TRIM22: variants seen among roughly 807,000 people sequenced by gnomAD.
TRIM22 encodes E3 ubiquitin-protein ligase TRIM22.
A neutral mutation model predicts 53.6 loss-of-function variants in TRIM22; 45 were observed. The ratio of observed to expected loss-of-function variants is 0.84; its 90% CI spans 0.66 to 1.08. TRIM22 has a LOEUF of 1.08. Ranked by LOEUF, TRIM22 falls within the 50% of genes least tolerant of loss-of-function variation. The pLI, the probability that TRIM22 is intolerant of heterozygous loss-of-function variation, is 0.00. For missense variants in TRIM22, 616 were observed against 590.9 expected, an observed-to-expected ratio of 1.04 and a Z score of -0.44; for synonymous variants, 225 against 216.6, an observed-to-expected ratio of 1.04 and a Z score of -0.34.
At chr11:5,702,578 TGTA>T (rs1256141515) in intron 4 of TRIM22, among the ~76,000 whole-genome samples, 1 of 151,834 alleles carries the variant, frequency 6.6e-6, no homozygotes, top group Non-Finnish European at 1.5e-5. Flanking sequence ...CCCCTTCACA[TGTA>T]GTGCAGGTAC....
chr11:5,699,739 T>G (rs1290253858), intron 4 of TRIM22, among the ~76,000 whole-genome samples: 1 of 150,776 alleles, frequency 6.6e-6, no homozygotes, highest in Admixed American at 6.6e-5. Flanking sequence ...TTTTTTTTTT[T>G]TTAGTTACAG....
At position 5,709,744 on chromosome 11, in the gene TRIM22, T is replaced by A. The variant is rs1391494853; in HGVS notation, c.*96T>A. On this transcript the variant is annotated 3_prime_UTR_variant, in exon 8 of 8. Coordinates refer to ENST00000379965, the MANE Select transcript of TRIM22 (RefSeq NM_006074.5). ...CATCTCTACTGAGACCATCTCTTCC[T>A]TTCTTTCCCCTTCTTTTACTTAGAA... 2 of 1,069,754 alleles carry A rather than the reference T, an allele frequency of 1.9e-6. No homozygotes were observed. The highest frequency in any genetic ancestry group is 2.4e-5 in the East Asian group (1 of 42,064). 66.3% of individuals were successfully genotyped at this position (1,069,754 alleles called of 1,614,324 possible).
At chr11:5,708,713 G>GT in intron 7 of TRIM22, 110 bp downstream of exon 7, 10 of 686,656 alleles carry the variant, frequency 1.5e-5, no homozygotes, top group South Asian at 2.4e-5. Flanking sequence ...AAACCATGTA[G>GT]TTCTTTTTTT....
In TRIM22 at chr11:5,709,748, T is replaced by A; in HGVS notation, c.*100T>A. ...TCTACTGAGACCATCTCTTCCTTTC[T>A]TTCCCCTTCTTTTACTTAGAATGTC... On this transcript the variant is annotated 3_prime_UTR_variant, in exon 8 of 8. Coordinates refer to ENST00000379965, the MANE Select transcript of TRIM22 (RefSeq NM_006074.5). 9.8e-7 allele frequency: 1 copy of A among 1,022,984 alleles called. No homozygotes were observed. Among genetic ancestry groups the A allele is most frequent in the Non-Finnish European group, 1.4e-6 (1 of 699,464 alleles). The allele number at this position is 1,022,984 out of a possible 1,614,324, so 63.4% of individuals were successfully genotyped here.
intron 1 of TRIM22, among the ~76,000 whole-genome samples, chr11:5,694,471 C>G (rs1229747142): frequency 1.3e-5 from 2 of 152,184 alleles, no homozygotes; most frequent in East Asian, 3.9e-4. Context: ...CTGGATCTCT[C>G]CATTTCTATA....
At chr11:5,708,502 A>G (rs2134184503) in intron 6 of TRIM22, 75 bp from the exon 7 acceptor site, 2 of 1,411,178 alleles carry the variant, frequency 1.4e-6, no homozygotes, top group African/African-American at 1.4e-5. Flanking sequence ...TCCTTTCCCT[A>G]CTCTGGAGAA....
At position 5,709,210 on chromosome 11, in the gene TRIM22, G is replaced by T. The variant is rs763947733; in HGVS notation, c.1059G>T (p.Gly353=). ...TCGGCTGCCAATATTTCTCTTCGGG[G>T]AAATATTACTGGGAAGTAGATGTGT... ...GVFGCQYFSS[G]KYYWEVDVSG... is the part of the protein sequence containing the mutation. Residue 353 remains glycine (G), a synonymous_variant, in exon 8 of 8, where the codon GGG becomes GGT. Transcript: ENST00000379965. The T allele has an allele frequency of 6.2e-7, 1 of 1,614,002 alleles. No individual in the cohort carries two copies. The highest frequency in any genetic ancestry group is 8.5e-7 in the Non-Finnish European group (1 of 1,180,038).
intron 3 of TRIM22, 52 bp from the exon 4 acceptor site, chr11:5,698,263 G>T (rs1277097205): frequency 6.8e-7 from 1 of 1,465,370 alleles, no homozygotes; most frequent in Non-Finnish European, 9.5e-7. Context: ...CTCATACAAA[G>T]CAGGCCTTCA....
chr11:5,708,530 T>TTACTTATTTGCTTCTAACAACATCACTG (rs1325733576), intron 6 of TRIM22, 47 bp from the exon 7 acceptor site: 1 of 1,573,382 alleles, frequency 6.4e-7, no homozygotes, highest in Non-Finnish European at 8.6e-7. Flanking sequence ...GTGTCAGTAC[T>TTACTTATTTGCTTCTAACAACATCACTG]TACTTATTTG....
rs184996043 is a variant in TRIM22 at position 5,696,760 on chromosome 11, C to T, written c.423+105C>T. 3.0e-4 allele frequency: 361 copies of T among 1,223,214 alleles called. No homozygotes were observed. The African/African-American group carries it at 4.4e-3, about 15-fold the overall frequency. 75.8% of individuals were successfully genotyped at this position (1,223,214 alleles called of 1,614,324 possible). A position where few individuals can be genotyped will look rare whatever the true frequency, so the allele number is the denominator to read the frequency against. On this transcript the variant is annotated intron_variant, in intron 2 of 7. Transcript: ENST00000379965. ...CTTTATTCCCCTTGTCACCATAGAA[C>T]GGAGAGCCCTGTGATCTCTTTCCAT...
At chr11:5,702,106 ATAAC>A (rs919280600) in intron 4 of TRIM22, among the ~76,000 whole-genome samples, 19 of 146,782 alleles carry the variant, frequency 1.3e-4, no homozygotes, top group African/African-American at 4.0e-4. Context: ...TATAATATAC[ATAAC>A]TAATATATAT....
chr11:5,693,099 C>A lies in TRIM22; in HGVS notation c.-66-3068C>A, dbSNP rs1283856228. Among the ~76,000 whole-genome samples the A allele has an allele frequency of 3.3e-5, 5 of 150,952 alleles. No individual in the cohort carries two copies. In the East Asian group the frequency reaches 9.9e-4, roughly 30 times the overall value. On this transcript the variant is annotated intron_variant, in intron 1 of 7. Transcript: ENST00000379965. ...ACGGGGTCTCACCATAGTGGCCAGG[C>A]TGGCCTCAAACTCCTGACCTCAGGT...
chr11:5,706,654 A>C, intron 5 of TRIM22, 38 bp downstream of exon 5: 11 of 1,582,746 alleles, frequency 6.9e-6, no homozygotes, highest in Non-Finnish European at 9.5e-6. Context: ...ATTTGTCTGA[A>C]AAGAGAATTA....
rs757021594 is a variant in TRIM22, at chr11:5,709,231, T to A, written c.1080T>A (p.Asp360Glu). The change falls in exon 8 of 8, where the codon GAT becomes GAA. Residue 360 changes from aspartate to glutamate, a missense_variant. Physicochemically the swap from Asp to Glu is conservative, Grantham distance 45. Coordinates refer to ENST00000379965, the MANE Select transcript of TRIM22 (RefSeq NM_006074.5). The stretch of plus-strand genomic sequence containing the variant: ...CGGGGAAATATTACTGGGAAGTAGA[T>A]GTGTCTGGAAAGATTGCCTGGATCC... ...FSSGKYYWEVDVSGKIAWILG... is the reference protein window; with the variant it reads ...FSSGKYYWEVEVSGKIAWILG... The A allele has an allele frequency of 2.5e-6, 4 of 1,614,094 alleles. No homozygotes were observed. In the Admixed American group the frequency reaches 6.7e-5, roughly 27 times the overall value.
chr11:5,704,619 T>G (rs1391910862), intron 4 of TRIM22, among the ~76,000 whole-genome samples: 1 of 152,108 alleles, frequency 6.6e-6, no homozygotes, highest in Non-Finnish European at 1.5e-5. Context: ...TTAAAAGTGA[T>G]TTTTTTAAAG....
intron 7 of TRIM22, among the ~76,000 whole-genome samples, 179 bp from the exon 8 acceptor site, chr11:5,708,874 G>A (rs1037885606): frequency 3.3e-5 from 5 of 152,040 alleles, no homozygotes; most frequent in African/African-American, 4.8e-5. Context: ...GTGCCACCAC[G>A]CTTGGCTAAT....
In TRIM22 at chr11:5,709,182, T is replaced by C; in HGVS notation, c.1031T>C (p.Val344Ala). 1.2e-6 allele frequency: 2 copies of C among 1,614,214 alleles called. No individual in the cohort carries two copies. Among genetic ancestry groups the C allele is most frequent in the Non-Finnish European group, 1.7e-6 (2 of 1,180,046 alleles). Residue 344 changes from valine (V) to alanine (A), a missense_variant, in exon 8 of 8, where the codon GTC becomes GCC. Coordinates refer to ENST00000379965, the MANE Select transcript of TRIM22 (RefSeq NM_006074.5). ...SNPCDFSAFG[V>A]FGCQYFSSGK... ...CCATGTGATTTTTCTGCTTTTGGTG[T>C]CTTCGGCTGCCAATATTTCTCTTCG...
At chr11:5,695,136 T>C (rs192089398) in intron 1 of TRIM22, among the ~76,000 whole-genome samples, 2 of 152,310 alleles carry the variant, frequency 1.3e-5, no homozygotes, top group East Asian at 3.9e-4. Context: ...GAGGAAGAAG[T>C]AGACATTTAA....
chr11:5,693,048 G>GTA (rs1303351984), intron 1 of TRIM22, among the ~76,000 whole-genome samples: 11 of 150,950 alleles, frequency 7.3e-5, no homozygotes, highest in African/African-American at 2.2e-4. Context: ...GCTAATGTTT[G>GTA]TATATATATA....
Sources: allele counts gnomAD v4.1 joint callset (sites outside exome capture counted in the v4.1 genomes callset), GRCh38; gene constraint gnomAD v4.1.1; transcripts MANE v1.5; gene names NCBI Gene and HGNC (gene_info 2026-07-23, HGNC 2026-07-21).